TINAG: variants seen among roughly 807,000 people sequenced by gnomAD.
The protein encoded by TINAG is tubulointerstitial nephritis antigen.
Under a neutral mutation model 72.7 loss-of-function variants are expected in TINAG, and 83 were observed. The observed-to-expected ratio is 1.14, with a 90% CI of 0.96 to 1.37. TINAG has a LOEUF of 1.37. Among genes scored for constraint, TINAG ranks in the 40% most tolerant of loss-of-function variants. TINAG has a pLI of 0.00. For synonymous variants in TINAG, 234 were observed against 189.9 expected (o/e 1.23, Z -1.91); for missense variants, 685 against 576.6 (o/e 1.19, Z -1.93).
chr6:54,386,521 G>A (rs933384360), intron 10 of TINAG, among the ~76,000 whole-genome samples: 1 of 152,082 alleles, frequency 6.6e-6, no homozygotes, highest in Admixed American at 6.6e-5. Context: ...GATCTTAGAG[G>A]ATGCCTGAAG....
intron 1 of TINAG, among the ~76,000 whole-genome samples, chr6:54,315,658 C>T (rs1415264933): frequency 2.0e-5 from 3 of 148,862 alleles, no homozygotes; most frequent in African/African-American, 7.5e-5. Flanking sequence ...GCCTGGATGA[C>T]AGAATAAGAC....
chr6:54,331,537 G>A (rs897923061), intron 4 of TINAG, among the ~76,000 whole-genome samples: 6 of 152,240 alleles, frequency 3.9e-5, no homozygotes, highest in African/African-American at 7.2e-5. Flanking sequence ...TTTTCCCTTC[G>A]AAAACTGGCC....
At chr6:54,354,885 A>C (rs1762985244) in intron 9 of TINAG, among the ~76,000 whole-genome samples, 1 of 151,868 alleles carries the variant, frequency 6.6e-6, no homozygotes, top group South Asian at 2.1e-4. Context: ...ATCCGTTCTA[A>C]GGGCAAAGAA....
At chr6:54,321,222 T>C in intron 2 of TINAG, 75 bp from the exon 3 acceptor site, 4 of 1,083,450 alleles carry the variant, frequency 3.7e-6, no homozygotes, top group Non-Finnish European at 5.7e-6. Flanking sequence ...GCCTTAACAA[T>C]GTATAACTCT....
chr6:54,350,303 G>A (rs1430473291), intron 7 of TINAG, among the ~76,000 whole-genome samples: 1 of 151,918 alleles, frequency 6.6e-6, no homozygotes, highest in African/African-American at 2.4e-5. Context: ...ATAGAAAAAA[G>A]AGTCCCTTGG....
chr6:54,315,693 T>TA (rs5876378), intron 1 of TINAG, among the ~76,000 whole-genome samples: 104,552 of 150,730 alleles, frequency 0.69, 36,733 homozygotes, highest in Middle Eastern at 0.81. Flanking sequence ...AAAAAAAAAG[T>TA]AAAAAAATTC....
At chr6:54,307,881 G>T (rs1186449762), upstream of TINAG, 7 of 627,948 alleles carry the variant, frequency 1.1e-5, no homozygotes, top group Non-Finnish European at 1.9e-5. Flanking sequence ...GCTAAGCAGG[G>T]ACTCAGGTGG....
At chr6:54,364,769 T>G in intron 9 of TINAG, among the ~76,000 whole-genome samples, 1 of 145,640 alleles carries the variant, frequency 6.9e-6, no homozygotes, top group East Asian at 2.0e-4. Flanking sequence ...GATATCTCTA[T>G]ATCTATCTAT....
chr6:54,378,050 G>A (rs557963940), intron 9 of TINAG, among the ~76,000 whole-genome samples: 1 of 152,118 alleles, frequency 6.6e-6, no homozygotes, highest in Non-Finnish European at 1.5e-5. Context: ...ACAGAGGAGA[G>A]GAGATAGCTG....
chr6:54,321,682 G>C (rs1351263473), intron 3 of TINAG, among the ~76,000 whole-genome samples: 1 of 152,088 alleles, frequency 6.6e-6, no homozygotes, highest in Non-Finnish European at 1.5e-5. Flanking sequence ...GCAAAATCAG[G>C]AAGTCAGCAA....
At chr6:54,343,740 T>C (rs9283920) in intron 5 of TINAG, among the ~76,000 whole-genome samples, 28,826 of 149,744 alleles carry the variant, frequency 0.19, 2,878 homozygotes, top group African/African-American at 0.23. Flanking sequence ...ACTCTTTATA[T>C]GATTTGCAAA....
chr6:54,309,171 A>G (rs1261971951), intron 1 of TINAG, among the ~76,000 whole-genome samples: 1 of 152,012 alleles, frequency 6.6e-6, no homozygotes, highest in Non-Finnish European at 1.5e-5. Context: ...TTGAACACTC[A>G]CTCAACTTGT....
At chr6:54,351,560 G>A (rs148795411) in intron 8 of TINAG, among the ~76,000 whole-genome samples, 163 bp downstream of exon 8, 23 of 151,928 alleles carry the variant, frequency 1.5e-4, no homozygotes, top group Middle Eastern at 6.8e-3. Flanking sequence ...TGAGAAATAT[G>A]CTTACCTATA....
chr6:54,379,492 A>T (rs1763881173), intron 9 of TINAG, among the ~76,000 whole-genome samples: 1 of 152,188 alleles, frequency 6.6e-6, no homozygotes, highest in African/African-American at 2.4e-5. Flanking sequence ...GTATCCATAC[A>T]TACATGTGTT....
At chr6:54,355,051 CTTTATA>C (rs1322961654) in intron 9 of TINAG, among the ~76,000 whole-genome samples, 2 of 151,754 alleles carry the variant, frequency 1.3e-5, no homozygotes, top group Admixed American at 1.3e-4. Flanking sequence ...TATAAGGTTA[CTTTATA>C]TTTATGTGAG....
intron 10 of TINAG, among the ~76,000 whole-genome samples, chr6:54,387,435 A>G (rs1377218724): frequency 6.6e-6 from 1 of 151,924 alleles, no homozygotes; most frequent in African/African-American, 2.4e-5. Context: ...TGCCAAACAT[A>G]GATGAATCCC....
chr6:54,353,096 G>A (rs1025339027), intron 8 of TINAG, among the ~76,000 whole-genome samples: 3 of 151,668 alleles, frequency 2.0e-5, no homozygotes, highest in Non-Finnish European at 4.4e-5. Context: ...TTATATATTC[G>A]TGAATTTATC....
intron 2 of TINAG, 46 bp downstream of exon 2, chr6:54,320,688 T>A (rs761869313): frequency 6.9e-7 from 1 of 1,452,564 alleles, no homozygotes; most frequent in African/African-American, 1.4e-5. Context: ...TGTGTGTGTA[T>A]GTTTTCTTCA....
At chr6:54,375,424 G>A (rs1025048428) in intron 9 of TINAG, among the ~76,000 whole-genome samples, 8 of 152,078 alleles carry the variant, frequency 5.3e-5, no homozygotes, top group East Asian at 1.9e-4. Flanking sequence ...TAAACTAACC[G>A]GATAATCAGA....
Sources: gnomAD v4.1 joint callset for allele counts (sites outside exome capture counted in the v4.1 genomes callset) on GRCh38, gnomAD v4.1.1 for gene constraint, MANE v1.5 for transcripts, NCBI Gene and HGNC (gene_info 2026-07-23, HGNC 2026-07-21) for gene names.